The following SNX29 variants were observed in gnomAD, a reference collection of about 807,000 sequenced individuals.
SNX29 encodes sorting nexin-29.
A neutral mutation model predicts 102.1 loss-of-function variants in SNX29; 78 were observed. The observed-to-expected ratio is 0.76, with a 90% CI of 0.64 to 0.92. SNX29 has a LOEUF of 0.92. Ranked by LOEUF, SNX29 falls within the 40% of genes least tolerant of loss-of-function variation. SNX29 has a pLI of 0.00. For missense variants in SNX29, 1,280 were observed against 1,061.7 expected (o/e 1.21, Z -2.86); for synonymous variants, 580 against 414.5 (o/e 1.40, Z -4.85).
intron 9 of SNX29, among the ~76,000 whole-genome samples, chr16:12,063,862 C>T (rs1045993036): frequency 1.3e-5 from 2 of 152,006 alleles, no homozygotes; most frequent in South Asian, 4.2e-4. Flanking sequence ...TCCTGCATTT[C>T]TAGACCATCC....
At chr16:12,258,628 G>A (rs980680757) in intron 14 of SNX29, among the ~76,000 whole-genome samples, 2 of 152,156 alleles carry the variant, frequency 1.3e-5, no homozygotes, top group African/African-American at 4.8e-5. Context: ...CTGACCCATG[G>A]CAGTCGCTCA....
At chr16:12,155,691 G>C (rs1400857353) in intron 13 of SNX29, among the ~76,000 whole-genome samples, 1 of 152,200 alleles carries the variant, frequency 6.6e-6, no homozygotes, top group Non-Finnish European at 1.5e-5. Flanking sequence ...GAAAATGAAA[G>C]GGGTAGATGC....
chr16:12,224,210 T>C (rs1305876627), intron 14 of SNX29, among the ~76,000 whole-genome samples: 1 of 152,184 alleles, frequency 6.6e-6, no homozygotes, highest in Admixed American at 6.5e-5. Context: ...GTCGAGTAGA[T>C]GTGGTAAATT....
intron 19 of SNX29, among the ~76,000 whole-genome samples, chr16:12,504,937 C>T (rs568120683): frequency 6.6e-5 from 10 of 152,224 alleles, no homozygotes; most frequent in South Asian, 6.2e-4. Context: ...CCTATTCATT[C>T]GTCAGTTGGT....
intron 14 of SNX29, among the ~76,000 whole-genome samples, chr16:12,269,204 A>C (rs564829488): frequency 1.3e-5 from 2 of 152,342 alleles, no homozygotes; most frequent in South Asian, 4.1e-4. Context: ...AGGGAGACAC[A>C]GGAGAAAGTT....
chr16:12,122,196 G>A (rs933616188), intron 11 of SNX29, among the ~76,000 whole-genome samples: 5 of 152,172 alleles, frequency 3.3e-5, no homozygotes, highest in Non-Finnish European at 7.3e-5. Context: ...CAGTCACCGT[G>A]GTGGAGTGAC....
At chr16:12,420,648 C>T (rs992375978) in intron 18 of SNX29, among the ~76,000 whole-genome samples, 1 of 152,202 alleles carries the variant, frequency 6.6e-6, no homozygotes, top group Non-Finnish European at 1.5e-5. Context: ...ATAATCATAG[C>T]ACTGACCTCA....
intron 13 of SNX29, among the ~76,000 whole-genome samples, chr16:12,184,202 C>G (rs2076458329): frequency 6.6e-6 from 1 of 152,206 alleles, no homozygotes; most frequent in Non-Finnish European, 1.5e-5. Flanking sequence ...AGGACAGTAA[C>G]TCCACAGTAT....
intron 1 of SNX29, among the ~76,000 whole-genome samples, chr16:11,995,872 C>CA (rs933323183): frequency 6.6e-6 from 1 of 151,700 alleles, no homozygotes; most frequent in Non-Finnish European, 1.5e-5. Flanking sequence ...CCAGCCTGGC[C>CA]AACATGGTGA....
chr16:12,018,146 G>C (rs184208443), intron 3 of SNX29, among the ~76,000 whole-genome samples: 24 of 152,170 alleles, frequency 1.6e-4, no homozygotes, highest in East Asian at 5.8e-4. Context: ...ACATTAATTT[G>C]GGAAAAATTG....
chr16:12,343,117 G>C (rs181905401), intron 15 of SNX29, among the ~76,000 whole-genome samples: 232 of 152,300 alleles, frequency 1.5e-3, no homozygotes, highest in African/African-American at 5.3e-3. Flanking sequence ...AGGTCTCTGT[G>C]TGCTACTTCG....
Position 12,571,695 on chromosome 16 carries a change from A to G in SNX29, c.*3066A>G, listed in dbSNP as rs1311339571. Reference sequence around the variant, plus strand: ...GCAGAGGTGTCTCTCCTTGAGAGACAACAAAAGCTTCTAAGGGAGGGAGCT... The same window carrying G: ...GCAGAGGTGTCTCTCCTTGAGAGACGACAAAAGCTTCTAAGGGAGGGAGCT... On this transcript the variant is annotated 3_prime_UTR_variant, in exon 21 of 21. Transcript: ENST00000566228. 9.4e-7 allele frequency: 1 copy of G among 1,059,328 alleles called. No homozygotes were observed. The highest frequency in any genetic ancestry group is 1.6e-5 in the African/African-American group (1 of 60,778). 65.6% of individuals were successfully genotyped at this position (1,059,328 alleles called of 1,614,324 possible).
At chr16:12,026,213 A>G (rs183185235) in intron 3 of SNX29, among the ~76,000 whole-genome samples, 1 of 152,220 alleles carries the variant, frequency 6.6e-6, no homozygotes, top group African/African-American at 2.4e-5. Flanking sequence ...TTCCAAGGCC[A>G]CCTTCATTCA....
At chr16:12,215,197 A>C (rs2077288726) in intron 14 of SNX29, among the ~76,000 whole-genome samples, 1 of 152,114 alleles carries the variant, frequency 6.6e-6, no homozygotes, top group Non-Finnish European at 1.5e-5. Flanking sequence ...ACTGAAGCTT[A>C]GAAAGGTCAG....
At chr16:12,501,377 C>G (rs59935084) in intron 19 of SNX29, among the ~76,000 whole-genome samples, 489 of 152,210 alleles carry the variant, frequency 3.2e-3, no homozygotes, top group African/African-American at 0.011. Flanking sequence ...ACACTCCAGC[C>G]TGGGTGACAG....
At chr16:12,036,535 C>T (rs1296874084) in intron 4 of SNX29, among the ~76,000 whole-genome samples, 25 of 152,122 alleles carry the variant, frequency 1.6e-4, no homozygotes, top group Non-Finnish European at 1.8e-4. Flanking sequence ...GGGGTTTCAC[C>T]GTGTTAGCCA....
chr16:12,208,054 G>A (rs993226959), intron 14 of SNX29, among the ~76,000 whole-genome samples: 2 of 152,220 alleles, frequency 1.3e-5, no homozygotes, highest in Admixed American at 6.5e-5. Context: ...GATGGAAAGA[G>A]CATTCCCTGA....
At chr16:12,063,982 C>G (rs946323618) in intron 9 of SNX29, among the ~76,000 whole-genome samples, 2 of 152,024 alleles carry the variant, frequency 1.3e-5, no homozygotes, top group African/African-American at 4.8e-5. Context: ...TGGGAGAGAG[C>G]AGGTGGTCCC....
chr16:12,361,358 C>T (rs183221700), intron 16 of SNX29, among the ~76,000 whole-genome samples: 1 of 152,314 alleles, frequency 6.6e-6, no homozygotes, highest in African/African-American at 2.4e-5. Context: ...TGACTGTTGT[C>T]ACTGTAGATA....
Sources: allele counts gnomAD v4.1 joint callset (sites outside exome capture counted in the v4.1 genomes callset), GRCh38; gene constraint gnomAD v4.1.1; transcripts MANE v1.5; gene names NCBI Gene and HGNC (gene_info 2026-07-23, HGNC 2026-07-21).